Variants in SLC25A17 observed in about 807,000 individuals in gnomAD.
SLC25A17 encodes peroxisomal membrane protein PMP34.
In SLC25A17, 26 loss-of-function variants were observed where a neutral mutation model predicts 38.5. That is an observed-to-expected ratio of 0.68 (90% CI 0.50 to 0.94). SLC25A17 has a LOEUF of 0.94. Among genes scored for constraint, SLC25A17 ranks in the 40% least tolerant of loss-of-function variants. The probability of loss-of-function intolerance (pLI) is 0.00; values close to 1 mark genes in which losing one functional copy is unlikely to be tolerated. For missense variants in SLC25A17, 333 were observed against 372.7 expected (o/e 0.89, Z 0.88); for synonymous variants, 139 against 136.2 (o/e 1.02, Z -0.14).
Position 40,781,534 on chromosome 22 carries a change from C to T in SLC25A17, c.335-2409G>A, listed in dbSNP as rs137873761. On this transcript the variant is annotated intron_variant, in intron 4 of 8. Transcript: ENST00000435456. ...TGCTGGGATTACAGGTGTGAGCCACCGCACCCGGCCTAAAAGGATTCTTCT... is the reference window on the plus strand; with the variant it reads ...TGCTGGGATTACAGGTGTGAGCCACTGCACCCGGCCTAAAAGGATTCTTCT... Among the ~76,000 whole-genome samples the T allele has an allele frequency of 3.6e-3, 551 of 152,184 alleles. 5 individuals are homozygous for T. The highest frequency in any genetic ancestry group is 0.013 in the African/African-American group (528 of 41,536).
chr22:40,791,683 C>T (rs1461606506), intron 4 of SLC25A17, among the ~76,000 whole-genome samples: 1 of 152,132 alleles, frequency 6.6e-6, no homozygotes, highest in Non-Finnish European at 1.5e-5. Flanking sequence ...CAAATCAAAG[C>T]CACAGTGAGA....
At chr22:40,818,524 C>T (rs2057663823) in intron 1 of SLC25A17, among the ~76,000 whole-genome samples, 1 of 150,018 alleles carries the variant, frequency 6.7e-6, no homozygotes. Flanking sequence ...GCCTGGGCAA[C>T]ACTGCCAGAC....
intron 7 of SLC25A17, 148 bp from the exon 8 acceptor site, chr22:40,774,167 G>T (rs990470035): frequency 8.4e-6 from 4 of 474,536 alleles, no homozygotes; most frequent in South Asian, 6.9e-5. Context: ...CATTAATCCT[G>T]TATTTTTCAA....
intron 1 of SLC25A17, among the ~76,000 whole-genome samples, chr22:40,812,386 C>G (rs554310897): frequency 6.6e-6 from 1 of 152,308 alleles, no homozygotes; most frequent in Non-Finnish European, 1.5e-5. Flanking sequence ...CTGGGTAAAT[C>G]TGGTCAAGAC....
At chr22:40,777,782 C>CA (rs76343843) in intron 5 of SLC25A17, among the ~76,000 whole-genome samples, 3,314 of 90,048 alleles carry the variant, frequency 0.037, 50 homozygotes, top group African/African-American at 0.045. Context: ...ACTCCATTTC[C>CA]AAAAAAAAAA....
chr22:40,786,014 C>G (rs528858710), intron 4 of SLC25A17, among the ~76,000 whole-genome samples: 1 of 152,034 alleles, frequency 6.6e-6, no homozygotes, highest in African/African-American at 2.4e-5. Flanking sequence ...AGTGACAGAT[C>G]AGTTAGGAGG....
intron 1 of SLC25A17, among the ~76,000 whole-genome samples, chr22:40,809,731 T>C (rs2057561939): frequency 6.6e-6 from 1 of 152,122 alleles, no homozygotes; most frequent in South Asian, 2.1e-4. Flanking sequence ...AGCAAGACTC[T>C]GGGGTTGGTG....
intron 1 of SLC25A17, among the ~76,000 whole-genome samples, chr22:40,806,425 T>C (rs1156563457): frequency 6.6e-6 from 1 of 152,108 alleles, no homozygotes; most frequent in Non-Finnish European, 1.5e-5. Context: ...AAAATATATA[T>C]AACAAATATC....
chr22:40,814,545 CCTT>C (rs138324), intron 1 of SLC25A17, among the ~76,000 whole-genome samples: 72,598 of 151,492 alleles, frequency 0.48, 18,127 homozygotes, highest in Admixed American at 0.64. Context: ...AAAATTGCCT[CCTT>C]GAGAACTCCA....
chr22:40,770,761 G>A lies in SLC25A17; in HGVS notation c.*73C>T. The stretch of plus-strand genomic sequence containing the variant: ...GTGGTGGCAGGAGCCAGAGTCAAGG[G>A]AGAATCACTTCTCTTCACTCAGGAG... On this transcript the variant is annotated 3_prime_UTR_variant, in exon 9 of 9. Coordinates refer to ENST00000435456, the MANE Select transcript of SLC25A17 (RefSeq NM_006358.4). The A allele has an allele frequency of 6.8e-7, 1 of 1,467,810 alleles. No individual in the cohort carries two copies. Among genetic ancestry groups the A allele is most frequent in the Non-Finnish European group, 9.2e-7 (1 of 1,084,890 alleles). 90.9% of individuals were successfully genotyped at this position (1,467,810 alleles called of 1,614,324 possible).
At chr22:40,776,102 A>C (rs1232201311) in intron 7 of SLC25A17, 8 of 283,244 alleles carry the variant, frequency 2.8e-5, no homozygotes, top group Non-Finnish European at 4.1e-5. Flanking sequence ...CTATCTAAGA[A>C]GAGCCCCACC....
At chr22:40,779,166 G>A (rs761407871) in intron 4 of SLC25A17, 41 bp from the exon 5 acceptor site, 67 of 1,613,946 alleles carry the variant, frequency 4.2e-5, no homozygotes, top group Non-Finnish European at 5.6e-5. Flanking sequence ...AAGGCAAAAT[G>A]TCAGCTTTTA....
intron 4 of SLC25A17, chr22:40,784,488 T>C (rs913067203): frequency 5.9e-6 from 1 of 169,270 alleles, no homozygotes. Flanking sequence ...AAAATAAATA[T>C]TCAGCTGGGA....
At chr22:40,807,305 TTA>T (rs2057539116) in intron 1 of SLC25A17, among the ~76,000 whole-genome samples, 1 of 152,170 alleles carries the variant, frequency 6.6e-6, no homozygotes, top group South Asian at 2.1e-4. Flanking sequence ...TCTCTTTATT[TTA>T]TAGACAAGGA....
intron 1 of SLC25A17, among the ~76,000 whole-genome samples, chr22:40,803,762 T>C (rs559358686): frequency 1.3e-5 from 2 of 151,424 alleles, no homozygotes; most frequent in Non-Finnish European, 2.9e-5. Flanking sequence ...TACATTCCCA[T>C]CAACAGTGTG....
At chr22:40,817,848 C>T (rs1184876359) in intron 1 of SLC25A17, among the ~76,000 whole-genome samples, 3 of 152,300 alleles carry the variant, frequency 2.0e-5, no homozygotes, top group South Asian at 2.1e-4. Flanking sequence ...CCCTCCACTC[C>T]GGAAACACAG....
At chr22:40,815,580 A>C (rs896923429) in intron 1 of SLC25A17, among the ~76,000 whole-genome samples, 1 of 152,208 alleles carries the variant, frequency 6.6e-6, no homozygotes, top group African/African-American at 2.4e-5. Flanking sequence ...ACTAGGTATA[A>C]GTGCTGTATT....
chr22:40,777,293 T>C lies in SLC25A17; in HGVS notation c.532A>G (p.Asn178Asp), dbSNP rs1420824809. The C allele has an allele frequency of 1.9e-6, 3 of 1,614,104 alleles. No homozygotes were observed. The highest frequency in any genetic ancestry group is 2.5e-6 in the Non-Finnish European group (3 of 1,180,040). ...GTFPSLLLVF[N>D]PAIQFMFYEG... ...TAAAACATGAACTGGATGGCAGGATTGAAGACCAACAGCAATGAGGGAAAT... is the reference window on the plus strand; with the variant it reads ...TAAAACATGAACTGGATGGCAGGATCGAAGACCAACAGCAATGAGGGAAAT... Residue 178 changes from asparagine to aspartate, a missense_variant, in exon 6 of 9, where the codon AAT becomes GAT. Asn to Asp is a conservative substitution (Grantham distance 23). Transcript: ENST00000435456.
intron 1 of SLC25A17, among the ~76,000 whole-genome samples, chr22:40,815,895 A>C (rs1300237306): frequency 6.6e-6 from 1 of 152,200 alleles, no homozygotes; most frequent in Admixed American, 6.5e-5. Flanking sequence ...AAGTTAGAAA[A>C]GTAATTCCAG....
Sources: allele counts gnomAD v4.1 joint callset (sites outside exome capture counted in the v4.1 genomes callset), GRCh38; gene constraint gnomAD v4.1.1; transcripts MANE v1.5; gene names NCBI Gene and HGNC (gene_info 2026-07-23, HGNC 2026-07-21).